The following ZNF395 variants were observed in gnomAD, a reference collection of about 807,000 sequenced individuals.
The protein encoded by ZNF395 is HD gene regulatory region-binding protein 2.
A neutral mutation model predicts 57.7 loss-of-function variants in ZNF395; 20 were observed. That is an observed-to-expected ratio of 0.35 (90% CI 0.24 to 0.50). The LOEUF (loss-of-function observed/expected upper bound fraction) is 0.50. Ranked by LOEUF, ZNF395 falls within the 20% of genes least tolerant of loss-of-function variation. The pLI is 0.97. For missense variants in ZNF395, 606 were observed against 671.2 expected, an observed-to-expected ratio of 0.90 and a Z score of 1.07; for synonymous variants, 295 against 275.9, an observed-to-expected ratio of 1.07 and a Z score of -0.69.
chr8:28,377,748 C>CTTTTTTTTTT (rs71549661), intron 1 of ZNF395, among the ~76,000 whole-genome samples: 1 of 100,634 alleles, frequency 9.9e-6, no homozygotes, highest in African/African-American at 4.8e-5. Context: ...GATGATCCCA[C>CTTTTTTTTTT]TTTTTTTTTT....
chr8:28,375,046 C>T (rs552554561), intron 1 of ZNF395, among the ~76,000 whole-genome samples: 6 of 152,158 alleles, frequency 3.9e-5, no homozygotes, highest in African/African-American at 7.2e-5. Context: ...TAAACAGACA[C>T]GCACCCCCTG....
Position 28,353,898 on chromosome 8 carries a change from C to T in ZNF395, c.584-490G>A, listed in dbSNP as rs563356945. On this transcript the variant is annotated intron_variant, in intron 4 of 9. Transcript: ENST00000344423. ...ACCCAGAGCATTTTCCTACAGCTGA[C>T]GCCAACTTAAAGGTCTTCTTGACCA... Among the ~76,000 whole-genome samples the T allele has an allele frequency of 1.1e-4, 16 of 152,290 alleles. No homozygotes were observed. The South Asian group carries it at 1.7e-3, about 16-fold the overall frequency.
intron 1 of ZNF395, among the ~76,000 whole-genome samples, chr8:28,379,875 C>A (rs1347567877): frequency 6.7e-6 from 1 of 148,766 alleles, no homozygotes. Context: ...TGCCTCAACC[C>A]AACCAGAAGC....
chr8:28,351,624 T>A lies in ZNF395; in HGVS notation c.1104A>T (p.Pro368=). The A allele has an allele frequency of 2.5e-6, 4 of 1,613,232 alleles. No individual in the cohort carries two copies. In the South Asian group the frequency reaches 3.3e-5, roughly 13 times the overall value. The change falls in exon 7 of 10, where the codon CCA becomes CCT. Residue 368 remains proline, a synonymous_variant. Coordinates refer to ENST00000344423, the MANE Select transcript of ZNF395 (RefSeq NM_018660.3). Reference sequence around the variant, plus strand: ...AGGACTGGGCTTTGTGCAGAGGTGGTGGAAGAGCAGACAGAGGCAGGCCAG... The same window carrying A: ...AGGACTGGGCTTTGTGCAGAGGTGGAGGAAGAGCAGACAGAGGCAGGCCAG... ...SMTGLPLSAL[P]PPLHKAQSSG... is the part of the protein sequence containing the mutation.
rs1801734898 is a variant in ZNF395 at position 28,352,920 on chromosome 8, A to T, written c.820-247T>A. 2.0e-5 allele frequency among the ~76,000 whole-genome samples: 3 copies of T among 152,170 alleles called. No homozygotes were observed. Among genetic ancestry groups the T allele is most frequent in the Non-Finnish European group, 1.5e-5 (1 of 68,026 alleles). On this transcript the variant is annotated intron_variant, in intron 5 of 9. Transcript: ENST00000344423. The surrounding 1 kb of genome is among the most constrained non-coding windows in gnomAD (Gnocchi z 4.0). ...TAAGACCCTACTGGAGGCCTCTCCC[A>T]CGCAGACCTCTGCAGAAACACAGGA...
At chr8:28,385,369 T>C (rs1284726464) in intron 1 of ZNF395, 1 of 151,884 alleles carries the variant, frequency 6.6e-6, no homozygotes, top group African/African-American at 2.4e-5. Context: ...CCTTGGAAAT[T>C]GTTTGCACAA....
intron 1 of ZNF395, among the ~76,000 whole-genome samples, chr8:28,373,165 C>G (rs895394159): frequency 6.6e-6 from 1 of 152,180 alleles, no homozygotes; most frequent in East Asian, 1.9e-4. Flanking sequence ...GTTGAATGCA[C>G]GTAAAATCGT....
intron 4 of ZNF395, 72 bp from the exon 5 acceptor site, chr8:28,353,480 C>T (rs1421375558): frequency 9.7e-6 from 12 of 1,236,868 alleles, no homozygotes; most frequent in South Asian, 3.2e-5. Flanking sequence ...TTCTGAGCTT[C>T]GGTAAACATG....
intron 1 of ZNF395, among the ~76,000 whole-genome samples, chr8:28,361,984 G>A (rs544650003): frequency 1.3e-4 from 20 of 151,950 alleles, no homozygotes; most frequent in South Asian, 6.2e-4. Context: ...CCAGCTACTC[G>A]GGATGCTGAG....
At chr8:28,367,244 T>C (rs1021011389) in intron 1 of ZNF395, among the ~76,000 whole-genome samples, 1 of 152,176 alleles carries the variant, frequency 6.6e-6, no homozygotes, top group African/African-American at 2.4e-5. Context: ...ACCAGAATAA[T>C]TGTCCAACTC....
chr8:28,370,365 TCAAA>T (rs1256049366), intron 1 of ZNF395, among the ~76,000 whole-genome samples: 1 of 152,170 alleles, frequency 6.6e-6, no homozygotes, highest in African/African-American at 2.4e-5. Context: ...CGCCCAGGGC[TCAAA>T]CCACTAAGGA....
intron 1 of ZNF395, chr8:28,365,625 T>G (rs1801901253): frequency 6.6e-6 from 1 of 152,154 alleles, no homozygotes; most frequent in Admixed American, 6.5e-5. Context: ...TGAAACAAAC[T>G]CGTGCTGAAG....
At chr8:28,363,373 C>A (rs184712047) in intron 1 of ZNF395, among the ~76,000 whole-genome samples, 1 of 152,102 alleles carries the variant, frequency 6.6e-6, no homozygotes, top group African/African-American at 2.4e-5. Context: ...CTCAGGCCAT[C>A]TGCCTGCCTC....
intron 3 of ZNF395, among the ~76,000 whole-genome samples, chr8:28,357,704 G>A (rs557938653): frequency 6.6e-6 from 1 of 152,184 alleles, no homozygotes; most frequent in East Asian, 1.9e-4. Context: ...CCATAGAACA[G>A]AAAAATAAAT....
intron 7 of ZNF395, among the ~76,000 whole-genome samples, chr8:28,350,518 G>C (rs1003663963): frequency 6.6e-6 from 1 of 152,230 alleles, no homozygotes; most frequent in Non-Finnish European, 1.5e-5. Context: ...CGTCTAGGGG[G>C]CATGGCTGGG....
intron 1 of ZNF395, among the ~76,000 whole-genome samples, chr8:28,370,186 T>C (rs1315086580): frequency 4.0e-5 from 6 of 150,868 alleles, no homozygotes; most frequent in Non-Finnish European, 5.9e-5. Flanking sequence ...TAAGTCAAAA[T>C]AAAATATGTT....
chr8:28,356,712 G>C lies in ZNF395; in HGVS notation c.541C>G (p.Pro181Ala). 1 of 1,614,204 alleles carries C rather than the reference G, an allele frequency of 6.2e-7. No individual in the cohort carries two copies. The highest frequency in any genetic ancestry group is 8.5e-7 in the Non-Finnish European group (1 of 1,180,034). Reference sequence around the variant, plus strand: ...GTCCCGGGAGGACTCTGTACAACAGGGCTGCAGGACAGGGACGTCAGCACC... The same window carrying C: ...GTCCCGGGAGGACTCTGTACAACAGCGCTGCAGGACAGGGACGTCAGCACC... Reference protein sequence around the residue: ...AMVLTSLSCSPVVQSPPGTEA... With the variant: ...AMVLTSLSCSAVVQSPPGTEA... The change falls in exon 4 of 10, where the codon CCT (proline) becomes GCT (alanine). Residue 181 changes from proline (P) to alanine (A), a missense_variant. Transcript: ENST00000344423. This position sits in a 1 kb window ranked among gnomAD's most constrained non-coding sequence, Gnocchi z 4.0.
intron 1 of ZNF395, among the ~76,000 whole-genome samples, chr8:28,385,787 G>A (rs1031654285): frequency 6.7e-5 from 10 of 148,396 alleles, no homozygotes; most frequent in Non-Finnish European, 1.2e-4. Flanking sequence ...CCGGCGGAGG[G>A]CGAGGTAAAC....
intron 1 of ZNF395, among the ~76,000 whole-genome samples, chr8:28,364,009 C>T (rs1386131025): frequency 2.6e-5 from 4 of 152,160 alleles, no homozygotes; most frequent in South Asian, 2.1e-4. Flanking sequence ...ACTCCCAAAT[C>T]TTAATTTTTA....
Sources: gnomAD v4.1 joint callset for allele counts (sites outside exome capture counted in the v4.1 genomes callset) on GRCh38, gnomAD v4.1.1 for gene constraint, Gnocchi (gnomAD v3.1) non-coding constraint, MANE v1.5 for transcripts, NCBI Gene and HGNC (gene_info 2026-07-23, HGNC 2026-07-21) for gene names.